The following KIF4A variants were observed in gnomAD, a reference collection of about 807,000 sequenced individuals.
KIF4A encodes kinesin family member 4A, also known as chromosome-associated kinesin KIF4A.
Under a neutral mutation model 105.9 loss-of-function variants are expected in KIF4A, and 7 were observed. The observed-to-expected ratio is 0.07, with a 90% CI of 0.04 to 0.12. The LOEUF (loss-of-function observed/expected upper bound fraction) is 0.12. KIF4A is among the 10% of genes least tolerant of loss of function. The pLI is 1.00. For synonymous variants in KIF4A, 281 were observed against 331.3 expected (o/e 0.85, Z 1.65); for missense variants, 558 against 929.2 (o/e 0.60, Z 5.19).
intron 15 of KIF4A, among the ~76,000 whole-genome samples, chrX:70,366,752 G>C (rs1470543687): frequency 8.9e-6 from 1 of 111,822 alleles, no homozygotes; most frequent in African/African-American, 3.3e-5. Context: ...GAGTTCTGTA[G>C]ATGTCTATTA....
intron 13 of KIF4A, among the ~76,000 whole-genome samples, chrX:70,345,490 A>C (rs949803013): frequency 1.2e-4 from 13 of 110,082 alleles, no homozygotes; most frequent in South Asian, 3.9e-4. Context: ...GAAGAAGAAG[A>C]AGCATTATTT....
At chrX:70,294,948 C>T (rs1383842190) in intron 3 of KIF4A, among the ~76,000 whole-genome samples, 3 of 111,530 alleles carry the variant, frequency 2.7e-5, no homozygotes, top group African/African-American at 9.8e-5. Context: ...GTGGCGCGTG[C>T]CTGTAGTCCT....
chrX:70,366,302 T>A (rs181672706), intron 15 of KIF4A, among the ~76,000 whole-genome samples: 1 of 111,378 alleles, frequency 9.0e-6, no homozygotes, highest in Non-Finnish European at 1.9e-5. Flanking sequence ...CTTTTGAATG[T>A]GTTTGCTCTT....
chrX:70,375,076 A>C, intron 16 of KIF4A, 128 bp from the exon 17 acceptor site: 1 of 723,943 alleles, frequency 1.4e-6, no homozygotes. Context: ...TTCTTTTTTT[A>C]AGATGGCTAT....
At chrX:70,413,065 A>G (rs1156358264) in intron 28 of KIF4A, among the ~76,000 whole-genome samples, 1 of 112,426 alleles carries the variant, frequency 8.9e-6, no homozygotes, top group African/African-American at 3.2e-5. Context: ...TACACATACA[A>G]ATTTATACTG....
At chrX:70,398,920 C>G (rs2086270149) in intron 22 of KIF4A, among the ~76,000 whole-genome samples, 1 of 111,520 alleles carries the variant, frequency 9.0e-6, no homozygotes, top group Admixed American at 9.6e-5. Context: ...CCATAGTGGG[C>G]TAAAGTGCTG....
chrX:70,417,779 A>C, intron 28 of KIF4A, 109 bp from the exon 29 acceptor site: 1 of 539,248 alleles, frequency 1.9e-6, no homozygotes, highest in Non-Finnish European at 3.0e-6. Context: ...TTGGTAGATA[A>C]TAGTACTTTC....
chrX:70,382,807 A>T (rs2147727160), intron 18 of KIF4A, among the ~76,000 whole-genome samples: 1 of 109,620 alleles, frequency 9.1e-6, no homozygotes, highest in Admixed American at 9.7e-5. Context: ...AAAAAAAAAG[A>T]AAGTTAATAG....
chrX:70,361,963 G>A (rs1238272979), intron 15 of KIF4A, among the ~76,000 whole-genome samples: 1 of 112,179 alleles, frequency 8.9e-6, no homozygotes, highest in Non-Finnish European at 1.9e-5. Context: ...TCAATGCCTG[G>A]TCCAGAAAGT....
intron 17 of KIF4A, 90 bp downstream of exon 17, chrX:70,375,438 G>T: frequency 1.1e-6 from 1 of 901,532 alleles, no homozygotes; most frequent in South Asian, 2.5e-5. Context: ...GTTTTCAGGT[G>T]AGAAAATAGC....
At chrX:70,333,539 C>T (rs2085939460) in intron 9 of KIF4A, 89 bp from the exon 10 acceptor site, 2 of 625,515 alleles carry the variant, frequency 3.2e-6, no homozygotes, top group South Asian at 4.9e-5. Flanking sequence ...AGTAAAATTA[C>T]TTTATTGCTA....
intron 4 of KIF4A, among the ~76,000 whole-genome samples, chrX:70,297,887 G>A (rs367904503): frequency 6.4e-4 from 71 of 111,754 alleles, no homozygotes; most frequent in African/African-American, 2.1e-3. Context: ...TATAATTTAA[G>A]CATGTGAACA....
chrX:70,358,713 A>G (rs2147708572), intron 15 of KIF4A, among the ~76,000 whole-genome samples: 1 of 112,384 alleles, frequency 8.9e-6, no homozygotes, highest in African/African-American at 3.2e-5. Context: ...CTAGTGAGCC[A>G]TGGCTATCCA....
At chrX:70,349,574 G>GGGC in intron 13 of KIF4A, among the ~76,000 whole-genome samples, 1 of 94,713 alleles carries the variant, frequency 1.1e-5, no homozygotes, top group Admixed American at 1.1e-4. Flanking sequence ...TTCCCAGACG[G>GGGC]GGCGGCCGGG....
chrX:70,322,348 G>A (rs1459453522), intron 7 of KIF4A, among the ~76,000 whole-genome samples: 1 of 107,997 alleles, frequency 9.3e-6, no homozygotes, highest in Non-Finnish European at 1.9e-5. Flanking sequence ...GTCTCACTCT[G>A]TCGCCCAGGC....
intron 7 of KIF4A, among the ~76,000 whole-genome samples, chrX:70,311,315 T>G (rs1315780716): frequency 8.9e-6 from 1 of 111,822 alleles, no homozygotes; most frequent in Admixed American, 9.5e-5. Context: ...TTTGACAGAT[T>G]AACTCTACCT....
In KIF4A at chrX:70,323,185, G is replaced by T. The variant is rs147294479; in HGVS notation, c.779-6220G>T. Among the ~76,000 whole-genome samples the T allele has an allele frequency of 4.5e-3, 497 of 110,912 alleles. 4 individuals are homozygous for T. The highest frequency in any genetic ancestry group is 0.015 in the African/African-American group (469 of 30,480). Reference sequence around the variant, plus strand: ...TGTGGCTCATTCAAATTTGCGCTCAGTCCCAACTTCATCCCCTTAAAGAAA... The same window carrying T: ...TGTGGCTCATTCAAATTTGCGCTCATTCCCAACTTCATCCCCTTAAAGAAA... On this transcript the variant is annotated intron_variant, in intron 7 of 30. Transcript: ENST00000374403.
At chrX:70,346,709 T>G (rs181761972) in intron 13 of KIF4A, among the ~76,000 whole-genome samples, 35 of 111,234 alleles carry the variant, frequency 3.1e-4, no homozygotes, top group Admixed American at 5.7e-4. Context: ...CTGTCACAGT[T>G]AGGCAGAGTA....
At chrX:70,375,463 T>C in intron 17 of KIF4A, 115 bp downstream of exon 17, 5 of 732,250 alleles carry the variant, frequency 6.8e-6, no homozygotes, top group African/African-American at 2.1e-5. Context: ...AGAGCAATCA[T>C]TTCAAGTGTG....
Sources: allele counts gnomAD v4.1 joint callset (sites outside exome capture counted in the v4.1 genomes callset), GRCh38; gene constraint gnomAD v4.1.1; transcripts MANE v1.5; gene names NCBI Gene and HGNC (gene_info 2026-07-23, HGNC 2026-07-21).